The following HOXC4 variants were observed in gnomAD, a reference collection of about 807,000 sequenced individuals.
HOXC4 encodes homeobox C4.
In HOXC4, 15 loss-of-function variants were observed where a neutral mutation model predicts 25.5. The observed-to-expected ratio is 0.59, with a 90% CI of 0.39 to 0.91. HOXC4 has a LOEUF of 0.91. Among genes scored for constraint, HOXC4 ranks in the 40% least tolerant of loss-of-function variants. HOXC4 has a pLI of 0.00. For missense variants in HOXC4, 342 were observed against 352.4 expected, an observed-to-expected ratio of 0.97 and a Z score of 0.24; for synonymous variants, 165 against 148.0, an observed-to-expected ratio of 1.11 and a Z score of -0.83.
At chr12:54,028,664 G>A (rs1940841390) in intron 1 of HOXC4, 4 of 1,613,996 alleles carry the variant, frequency 2.5e-6, no homozygotes, top group Non-Finnish European at 1.7e-6. Context: ...GCCCAGAACC[G>A]GATCTACTCG....
chr12:54,049,741 AACACATAC>A (rs1157318459), upstream of HOXC4, among the ~76,000 whole-genome samples: 2 of 93,796 alleles, frequency 2.1e-5, no homozygotes, highest in African/African-American at 4.6e-5. Context: ...GAAAGGGACA[AACACATAC>A]ACACACACAC....
Position 54,033,264 on chromosome 12 carries a change from A to G in HOXC4, c.-124+15850A>G, listed in dbSNP as rs1211527481. 1.7e-5 allele frequency: 27 copies of G among 1,613,916 alleles called. No individual in the cohort carries two copies. The Admixed American group carries it at 4.0e-4, about 24-fold the overall frequency. ...CTACGGCGGATTGGACTTAAGCATC[A>G]CTTTCCCACCGCCTGCGCCTTCCAA... On this transcript the variant is annotated intron_variant, in intron 1 of 3. Coordinates refer to the HOXC4 transcript ENST00000303406.
At chr12:54,039,903 C>G (rs567717597) in intron 1 of HOXC4, among the ~76,000 whole-genome samples, 1 of 151,820 alleles carries the variant, frequency 6.6e-6, no homozygotes, top group Admixed American at 6.6e-5. Context: ...GACGGGCATT[C>G]GAGGGTGTTT....
At chr12:54,034,535 C>T (rs1389194033) in intron 1 of HOXC4, 2 of 1,515,124 alleles carry the variant, frequency 1.3e-6, no homozygotes, top group Non-Finnish European at 1.8e-6. Flanking sequence ...TAGCCGGTTC[C>T]TGTCCCTGCG....
chr12:54,042,872 T>C (rs17106472), intron 1 of HOXC4, among the ~76,000 whole-genome samples: 14,373 of 152,244 alleles, frequency 0.094, 1,711 homozygotes, highest in African/African-American at 0.27. Flanking sequence ...ATACTATCTC[T>C]GCTAGCAGCT....
At chr12:54,033,942 T>A in intron 1 of HOXC4, 1 of 426,716 alleles carries the variant, frequency 2.3e-6, no homozygotes, top group Non-Finnish European at 4.6e-6. Context: ...TCCGGAGGAT[T>A]CCAGCGACTC....
At chr12:54,048,522 T>C (rs1369814120) in intron 1 of HOXC4, among the ~76,000 whole-genome samples, 1 of 151,982 alleles carries the variant, frequency 6.6e-6, no homozygotes, top group East Asian at 1.9e-4. Context: ...GGGAATTGAG[T>C]TTTTCTGGAG....
chr12:54,028,974 AC>A lies in HOXC4; in HGVS notation c.-124+11562del, dbSNP rs1436497494. The A allele has an allele frequency of 4.6e-6, 7 of 1,519,554 alleles. No homozygotes were observed. In the East Asian group the frequency reaches 1.4e-4, roughly 29 times the overall value. The allele number at this position is 1,519,554 out of a possible 1,614,324, so 94.1% of individuals were successfully genotyped here. A position where few individuals can be genotyped will look rare whatever the true frequency, so the allele number is the denominator to read the frequency against. On this transcript the variant is annotated intron_variant, in intron 1 of 3. Coordinates refer to the HOXC4 transcript ENST00000303406. ...TTAAATAAACTGAACTGGCTTTATG[AC>A]CGGCTTCCCTAGAAGAACGGGCGGA...
upstream of HOXC4, chr12:54,053,193 G>A: frequency 6.6e-6 from 1 of 152,604 alleles, no homozygotes. Context: ...CAGAAATGAC[G>A]TCAGAATCAT....
chr12:54,022,472 AG>A (rs1324044856), intron 1 of HOXC4: 1 of 152,156 alleles, frequency 6.6e-6, no homozygotes, highest in East Asian at 1.9e-4. Context: ...CATTGAAGTA[AG>A]TAATATTCTC....
intron 1 of HOXC4, chr12:54,034,470 T>C (rs759901648): frequency 1.9e-6 from 3 of 1,614,130 alleles, no homozygotes; most frequent in Non-Finnish European, 2.5e-6. Context: ...GATTCCAAAA[T>C]GAAAAGCAAA....
Position 54,054,243 on chromosome 12 carries a change from C to G in HOXC4, c.321C>G (p.Ser107=). 1 of 1,611,128 alleles carries G rather than the reference C, an allele frequency of 6.2e-7. No individual in the cohort carries two copies. The highest frequency in any genetic ancestry group is 2.2e-5 in the East Asian group (1 of 44,800). Residue 107 remains serine (S), a synonymous_variant, in exon 1 of 2, where the codon TCC becomes TCG. Coordinates refer to ENST00000430889, the MANE Select transcript of HOXC4 (RefSeq NM_153633.3). ...LCEPAPLSGA[S]ASPSPAPPAC... ...AGCCGGCGCCTCTCTCAGGCGCCTC[C>G]GCCTCCCCGTCCCCAGCCCCGCCAG...
At chr12:54,054,782 G>C in intron 1 of HOXC4, 68 bp from the exon 2 acceptor site, 5 of 1,004,740 alleles carry the variant, frequency 5.0e-6, no homozygotes, top group Non-Finnish European at 7.5e-6. Context: ...GCTGAGGATG[G>C]GGTGAGGGTG....
intron 1 of HOXC4, among the ~76,000 whole-genome samples, chr12:54,023,789 T>G (rs1940555975): frequency 6.6e-6 from 1 of 152,172 alleles, no homozygotes; most frequent in South Asian, 2.1e-4. Flanking sequence ...GCGGTGTGTG[T>G]AGCGGGGGCA....
At chr12:54,029,773 G>A (rs1940910245) in intron 1 of HOXC4, 1 of 1,614,138 alleles carries the variant, frequency 6.2e-7, no homozygotes, top group Non-Finnish European at 8.5e-7. Context: ...GGCGCATCGA[G>A]ATCGCCAACG....
At chr12:54,051,533 T>G (rs1184660803), upstream of HOXC4, among the ~76,000 whole-genome samples, 1 of 152,138 alleles carries the variant, frequency 6.6e-6, no homozygotes, top group African/African-American at 2.4e-5. Flanking sequence ...TGTCCTCACA[T>G]GCAGAGAGTT....
At chr12:54,039,018 C>T (rs980245921) in intron 1 of HOXC4, among the ~76,000 whole-genome samples, 2 of 152,154 alleles carry the variant, frequency 1.3e-5, no homozygotes, top group Non-Finnish European at 2.9e-5. Context: ...GCTATCCCTC[C>T]CTGTGCGTCA....
intron 1 of HOXC4, chr12:54,033,899 C>G (rs1941089430): frequency 2.0e-6 from 1 of 490,296 alleles, no homozygotes; most frequent in Non-Finnish European, 3.8e-6. Context: ...TCCCTCCCTC[C>G]CCTGCGGAGC....
chr12:54,053,870 A>G lies in HOXC4; in HGVS notation c.-53A>G. 6.9e-7 allele frequency: 1 copy of G among 1,451,114 alleles called. No individual in the cohort carries two copies. The highest frequency in any genetic ancestry group is 9.6e-7 in the Non-Finnish European group (1 of 1,046,636). The allele number at this position is 1,451,114 out of a possible 1,614,324, so 89.9% of individuals were successfully genotyped here. Reference sequence around the variant, plus strand: ...GGTCGCTAGCTAGTAGGAGGGCTTTATGGAGCAGAAAAACGACAAAGCGAG... The same window carrying G: ...GGTCGCTAGCTAGTAGGAGGGCTTTGTGGAGCAGAAAAACGACAAAGCGAG... On this transcript the variant is annotated 5_prime_UTR_variant, in exon 1 of 2. It removes an upstream start codon present in the reference 5' UTR. Coordinates refer to ENST00000430889, the MANE Select transcript of HOXC4 (RefSeq NM_153633.3).
Sources: allele counts gnomAD v4.1 joint callset (sites outside exome capture counted in the v4.1 genomes callset), GRCh38; gene constraint gnomAD v4.1.1; transcripts MANE v1.5; gene names NCBI Gene and HGNC (gene_info 2026-07-23, HGNC 2026-07-21).